Variants in ERBB4 observed in about 807,000 individuals in gnomAD.
ERBB4 encodes the protein receptor tyrosine-protein kinase erbB-4.
Under a neutral mutation model 158.0 loss-of-function variants are expected in ERBB4, and 42 were observed. The ratio of observed to expected loss-of-function variants is 0.27; its 90% CI spans 0.21 to 0.34. The LOEUF (loss-of-function observed/expected upper bound fraction) is 0.34. ERBB4 is among the 10% of genes least tolerant of loss of function. The pLI is 1.00. For missense variants in ERBB4, 1,333 were observed against 1,624.1 expected (o/e 0.82, Z 3.08); for synonymous variants, 583 against 558.7 (o/e 1.04, Z -0.61).
chr2:211,460,140 A>T (rs2064492180), intron 20 of ERBB4, among the ~76,000 whole-genome samples: 1 of 137,038 alleles, frequency 7.3e-6, no homozygotes, highest in Non-Finnish European at 1.7e-5. Flanking sequence ...AGTCAACATT[A>T]TTACTATAAA....
intron 3 of ERBB4, among the ~76,000 whole-genome samples, chr2:211,904,230 G>A (rs185369360): frequency 6.6e-6 from 1 of 152,186 alleles, no homozygotes; most frequent in East Asian, 1.9e-4. Flanking sequence ...CATGCACACA[G>A]AGCATAATAT....
At chr2:211,803,099 C>CCT (rs955663317) in intron 3 of ERBB4, among the ~76,000 whole-genome samples, 2 of 152,200 alleles carry the variant, frequency 1.3e-5, no homozygotes, top group Non-Finnish European at 2.9e-5. Flanking sequence ...ATTCCCTCAA[C>CCT]TTTGCTAATA....
At chr2:212,152,236 T>C (rs568215331) in intron 1 of ERBB4, among the ~76,000 whole-genome samples, 1 of 152,190 alleles carries the variant, frequency 6.6e-6, no homozygotes, top group Non-Finnish European at 1.5e-5. Context: ...TTTGTGATCT[T>C]CGGCTAATTA....
At chr2:212,491,445 T>C (rs964713014) in intron 1 of ERBB4, among the ~76,000 whole-genome samples, 3 of 151,640 alleles carry the variant, frequency 2.0e-5, no homozygotes, top group Admixed American at 2.0e-4. Flanking sequence ...GTTTAATTTG[T>C]GTTTTTCCCT....
intron 2 of ERBB4, among the ~76,000 whole-genome samples, chr2:212,059,968 T>C (rs950602108): frequency 5.4e-4 from 82 of 152,306 alleles, no homozygotes; most frequent in African/African-American, 1.8e-3. Context: ...AAAGAGCTTC[T>C]GCACAGCAAA....
chr2:212,198,064 T>C (rs1574416347), intron 1 of ERBB4, among the ~76,000 whole-genome samples: 1 of 152,268 alleles, frequency 6.6e-6, no homozygotes, highest in African/African-American at 2.4e-5. Context: ...CCGTAATGTA[T>C]AGAAAAGAAT....
chr2:211,806,744 T>C (rs554245357), intron 3 of ERBB4, among the ~76,000 whole-genome samples: 1 of 152,158 alleles, frequency 6.6e-6, no homozygotes, highest in African/African-American at 2.4e-5. Context: ...GAAAGCCAAG[T>C]GGAAACATCA....
chr2:212,485,205 G>C (rs1344299984), intron 1 of ERBB4, among the ~76,000 whole-genome samples: 1 of 151,574 alleles, frequency 6.6e-6, no homozygotes, highest in African/African-American at 2.4e-5. Flanking sequence ...ATTTTCTATA[G>C]TTTTTTTTCT....
At chr2:211,960,373 T>C (rs144873229) in intron 2 of ERBB4, among the ~76,000 whole-genome samples, 2 of 152,224 alleles carry the variant, frequency 1.3e-5, no homozygotes, top group African/African-American at 4.8e-5. Flanking sequence ...CATATAAACC[T>C]ACGAGTTCAT....
chr2:212,131,342 A>G (rs560557509), intron 1 of ERBB4, among the ~76,000 whole-genome samples: 1 of 152,316 alleles, frequency 6.6e-6, no homozygotes, highest in East Asian at 1.9e-4. Context: ...GTCACTAAAA[A>G]CACCCTTTGG....
At chr2:211,389,300 G>T (rs530253448) in intron 25 of ERBB4, among the ~76,000 whole-genome samples, 3 of 152,142 alleles carry the variant, frequency 2.0e-5, no homozygotes, top group Admixed American at 6.5e-5. Flanking sequence ...CTCTCAAAGT[G>T]CTGGGATTAC....
intron 20 of ERBB4, among the ~76,000 whole-genome samples, chr2:211,460,080 C>T (rs1409176883): frequency 1.6e-5 from 2 of 128,674 alleles, no homozygotes; most frequent in African/African-American, 5.1e-5. Flanking sequence ...CCACCTTTTT[C>T]ATGACCTCCT....
intron 19 of ERBB4, among the ~76,000 whole-genome samples, chr2:211,610,824 C>A (rs542508628): frequency 2.0e-5 from 3 of 152,052 alleles, no homozygotes; most frequent in African/African-American, 4.8e-5. Context: ...TGAGAAATGT[C>A]CTTTCATTCA....
At chr2:212,299,195 C>T (rs2086529246) in intron 1 of ERBB4, among the ~76,000 whole-genome samples, 1 of 151,494 alleles carries the variant, frequency 6.6e-6, no homozygotes, top group Admixed American at 6.6e-5. Context: ...ACAAATCAGA[C>T]CAACATGCTA....
At chr2:212,526,222 G>A (rs1156929928) in intron 1 of ERBB4, among the ~76,000 whole-genome samples, 1 of 151,926 alleles carries the variant, frequency 6.6e-6, no homozygotes, top group Non-Finnish European at 1.5e-5. Flanking sequence ...GCATGTATCG[G>A]ATCTAAATTT....
chr2:211,409,965 T>A (rs1174042364), intron 25 of ERBB4, among the ~76,000 whole-genome samples: 5 of 152,162 alleles, frequency 3.3e-5, no homozygotes, highest in Non-Finnish European at 7.3e-5. Flanking sequence ...CAACAGTGCA[T>A]CTCAGTGAAG....
At chr2:212,408,882 C>G (rs776744897) in intron 1 of ERBB4, among the ~76,000 whole-genome samples, 2 of 152,112 alleles carry the variant, frequency 1.3e-5, no homozygotes, top group African/African-American at 2.4e-5. Flanking sequence ...GCAATCCTGA[C>G]AAAAACATTA....
At chr2:211,594,917 T>C (rs1336885976) in intron 19 of ERBB4, among the ~76,000 whole-genome samples, 3 of 152,172 alleles carry the variant, frequency 2.0e-5, no homozygotes, top group Non-Finnish European at 4.4e-5. Context: ...ATAAACATTA[T>C]AAAGGGTGTG....
Position 212,268,799 on chromosome 2 carries a change from A to T in ERBB4, c.83-143896T>A, listed in dbSNP as rs143418471. 2.6e-5 allele frequency among the ~76,000 whole-genome samples: 4 copies of T among 151,970 alleles called. No individual in the cohort carries two copies. The East Asian group carries it at 7.8e-4, about 30-fold the overall frequency. On this transcript the variant is annotated intron_variant, in intron 1 of 27. Coordinates refer to ENST00000342788, the MANE Select transcript of ERBB4 (RefSeq NM_005235.3). ...GTAATAGTTTGCCAAATCCTGCTCTAGTCTCATGAACTAGGAGGGATGCTG... is the reference window on the plus strand; with the variant it reads ...GTAATAGTTTGCCAAATCCTGCTCTTGTCTCATGAACTAGGAGGGATGCTG...
Sources: gnomAD v4.1 joint callset for allele counts (sites outside exome capture counted in the v4.1 genomes callset) on GRCh38, gnomAD v4.1.1 for gene constraint, MANE v1.5 for transcripts, NCBI Gene and HGNC (gene_info 2026-07-23, HGNC 2026-07-21) for gene names.